Variants in PCSK2 observed in about 807,000 individuals in gnomAD.
The protein encoded by PCSK2 is proprotein convertase subtilisin/kexin type 2, also known as neuroendocrine convertase 2.
A neutral mutation model predicts 69.7 loss-of-function variants in PCSK2; 14 were observed. The observed-to-expected ratio is 0.20, with a 90% CI of 0.13 to 0.31. The LOEUF is 0.31. PCSK2 is among the 10% of genes least tolerant of loss of function. The pLI, the probability that PCSK2 is intolerant of heterozygous loss-of-function variation, is 1.00. For missense variants in PCSK2, 544 were observed against 842.5 expected (o/e 0.65, Z 4.39); for synonymous variants, 307 against 320.7 (o/e 0.96, Z 0.46).
intron 2 of PCSK2, among the ~76,000 whole-genome samples, chr20:17,357,157 T>A (rs2030231323): frequency 6.6e-6 from 1 of 152,162 alleles, no homozygotes; most frequent in Non-Finnish European, 1.5e-5. Context: ...TGAAAACAAG[T>A]TTCCTGATTA....
At chr20:17,231,969 C>G (rs1355151007) in intron 1 of PCSK2, among the ~76,000 whole-genome samples, 1 of 152,168 alleles carries the variant, frequency 6.6e-6, no homozygotes, top group Non-Finnish European at 1.5e-5. Context: ...TCAGGAAGAG[C>G]CCACTCTCCT....
At chr20:17,433,990 T>G (rs926517332) in intron 7 of PCSK2, among the ~76,000 whole-genome samples, 1 of 126,334 alleles carries the variant, frequency 7.9e-6, no homozygotes, top group African/African-American at 3.0e-5. Context: ...CTCTCCTCTC[T>G]CCCTGTCCTC....
intron 5 of PCSK2, among the ~76,000 whole-genome samples, chr20:17,395,319 T>G (rs549448726): frequency 6.6e-6 from 1 of 152,240 alleles, no homozygotes; most frequent in East Asian, 1.9e-4. Context: ...TTCATGACGG[T>G]AGTCCTGATT....
At chr20:17,456,800 A>G (rs2032931976) in intron 10 of PCSK2, among the ~76,000 whole-genome samples, 1 of 152,254 alleles carries the variant, frequency 6.6e-6, no homozygotes, top group African/African-American at 2.4e-5. Context: ...CTTCTACTCC[A>G]GTGATATTCA....
At chr20:17,267,864 T>G (rs1462128683) in intron 2 of PCSK2, among the ~76,000 whole-genome samples, 2 of 151,908 alleles carry the variant, frequency 1.3e-5, no homozygotes, top group African/African-American at 4.8e-5. Flanking sequence ...CTGTATCGTC[T>G]TTACAATTCA....
At chr20:17,244,265 A>G (rs1056837250) in intron 1 of PCSK2, among the ~76,000 whole-genome samples, 2 of 152,228 alleles carry the variant, frequency 1.3e-5, no homozygotes, top group Non-Finnish European at 2.9e-5. Context: ...AAATTATTTC[A>G]AAAGTAAAAA....
intron 5 of PCSK2, among the ~76,000 whole-genome samples, chr20:17,388,200 T>C (rs2031285698): frequency 6.6e-6 from 1 of 152,238 alleles, no homozygotes; most frequent in South Asian, 2.1e-4. Context: ...GAGAACCGAC[T>C]GTATAAACTT....
rs557266898 is a variant in PCSK2, at chr20:17,361,488, C to T, written c.505+848C>T. On this transcript the variant is annotated intron_variant, in intron 4 of 11. Coordinates refer to ENST00000262545, the MANE Select transcript of PCSK2 (RefSeq NM_002594.5). ...GTTTCACTGGGGATGTGTTGTTGCC[C>T]TCCATCACCCATCTGGGTCTGCCAG... Among the ~76,000 whole-genome samples the T allele has an allele frequency of 6.6e-5, 10 of 152,290 alleles. No individual in the cohort carries two copies. The South Asian group carries it at 2.1e-3, about 32-fold the overall frequency.
chr20:17,267,640 C>A (rs188315654), intron 2 of PCSK2, among the ~76,000 whole-genome samples: 406 of 152,154 alleles, frequency 2.7e-3, no homozygotes, highest in Non-Finnish European at 5.0e-3. Flanking sequence ...ATGAGTAAGC[C>A]TGGTTTTTTT....
chr20:17,238,304 C>T (rs1316479079), intron 1 of PCSK2, among the ~76,000 whole-genome samples: 1 of 152,068 alleles, frequency 6.6e-6, no homozygotes, highest in Non-Finnish European at 1.5e-5. Context: ...CTGGAGATTG[C>T]TATCCCACCA....
chr20:17,259,845 A>C (rs1987309915), intron 1 of PCSK2, among the ~76,000 whole-genome samples: 1 of 152,184 alleles, frequency 6.6e-6, no homozygotes, highest in Admixed American at 6.5e-5. Flanking sequence ...AAAACATCGC[A>C]GCATAATTCT....
chr20:17,236,284 C>T (rs147414774), intron 1 of PCSK2, among the ~76,000 whole-genome samples: 20 of 152,048 alleles, frequency 1.3e-4, no homozygotes, highest in South Asian at 4.2e-4. Context: ...ATATGCTATA[C>T]AAAGGAGATA....
At chr20:17,414,618 G>A (rs545499587) in intron 6 of PCSK2, among the ~76,000 whole-genome samples, 32 of 152,144 alleles carry the variant, frequency 2.1e-4, no homozygotes, top group South Asian at 1.9e-3. Flanking sequence ...AAAGAGGAGC[G>A]GTTACCGTTC....
At position 17,376,071 on chromosome 20, in the gene PCSK2, AG is replaced by A. The variant is rs201749767; in HGVS notation, c.543+6797del. On this transcript the variant is annotated intron_variant, in intron 5 of 11. Transcript: ENST00000262545. ...CCACGCCTCTGCCATCGCCATTAGAAGGGCATTCCCAGGCTCTCCTGCTGTA... is the reference window on the plus strand; with the variant it reads ...CCACGCCTCTGCCATCGCCATTAGAAGGCATTCCCAGGCTCTCCTGCTGTA... Among the ~76,000 whole-genome samples, 937 of 152,310 alleles carry A rather than the reference AG, an allele frequency of 6.2e-3. 10 individuals are homozygous for A. The highest frequency in any genetic ancestry group is 0.02 in the African/African-American group (850 of 41,572).
At chr20:17,441,010 G>A (rs1286076024) in intron 8 of PCSK2, among the ~76,000 whole-genome samples, 1 of 152,170 alleles carries the variant, frequency 6.6e-6, no homozygotes, top group Non-Finnish European at 1.5e-5. Flanking sequence ...GCCACAGGAG[G>A]GCTCTGCGGT....
intron 6 of PCSK2, among the ~76,000 whole-genome samples, chr20:17,415,033 T>C (rs1240369996): frequency 1.2e-4 from 19 of 152,152 alleles, no homozygotes; most frequent in Admixed American, 1.2e-3. Flanking sequence ...ATGAAATGTA[T>C]CTCAAAATAA....
At chr20:17,479,647 T>A (rs2042814) in intron 11 of PCSK2, among the ~76,000 whole-genome samples, 80,294 of 151,136 alleles carry the variant, frequency 0.53, 21,585 homozygotes, top group African/African-American at 0.63. Flanking sequence ...AAAATATAAA[T>A]AATTACCCGG....
intron 2 of PCSK2, among the ~76,000 whole-genome samples, chr20:17,282,837 G>A (rs1402487138): frequency 1.3e-5 from 2 of 152,100 alleles, no homozygotes; most frequent in African/African-American, 4.8e-5. Context: ...AATAACACAG[G>A]CTGGGGAGAA....
At chr20:17,260,413 A>T in intron 2 of PCSK2, 69 bp downstream of exon 2, 1 of 1,008,654 alleles carries the variant, frequency 9.9e-7, no homozygotes, top group Non-Finnish European at 1.6e-6. Flanking sequence ...GGGGGTGTGG[A>T]GGGGCTGGCA....
Sources: gnomAD v4.1 joint callset for allele counts (sites outside exome capture counted in the v4.1 genomes callset) on GRCh38, gnomAD v4.1.1 for gene constraint, MANE v1.5 for transcripts, NCBI Gene and HGNC (gene_info 2026-07-23, HGNC 2026-07-21) for gene names.